The following SLIT2 variants were observed in gnomAD, a reference collection of about 807,000 sequenced individuals.
SLIT2 encodes the protein slit guidance ligand 2.
In SLIT2, 41 loss-of-function variants were observed where a neutral mutation model predicts 185.7. The observed-to-expected ratio is 0.22, with a 90% CI of 0.17 to 0.29. The LOEUF is 0.29. SLIT2 is among the 10% of genes least tolerant of loss of function. SLIT2 has a pLI of 1.00. For synonymous variants in SLIT2, 693 were observed against 680.2 expected (o/e 1.02, Z -0.29); for missense variants, 1,571 against 1,909.0 (o/e 0.82, Z 3.30).
intron 29 of SLIT2, among the ~76,000 whole-genome samples, chr4:20,580,174 C>A (rs1405993764): frequency 6.7e-6 from 1 of 150,276 alleles, no homozygotes; most frequent in Non-Finnish European, 1.5e-5. Flanking sequence ...GATTCTCTTG[C>A]CTCAGCCTCC....
intron 4 of SLIT2, among the ~76,000 whole-genome samples, chr4:20,283,339 G>C (rs1714972526): frequency 6.6e-6 from 1 of 152,176 alleles, no homozygotes; most frequent in Non-Finnish European, 1.5e-5. Context: ...ACTCTATAGA[G>C]AGGGTGTTGG....
intron 4 of SLIT2, among the ~76,000 whole-genome samples, chr4:20,340,786 A>G (rs544192556): frequency 6.6e-6 from 1 of 152,062 alleles, no homozygotes; most frequent in African/African-American, 2.4e-5. Flanking sequence ...ATTTTTTGGT[A>G]GAGATGGGGT....
At chr4:20,338,477 G>A (rs1476443774) in intron 4 of SLIT2, among the ~76,000 whole-genome samples, 1 of 152,158 alleles carries the variant, frequency 6.6e-6, no homozygotes, top group Admixed American at 6.5e-5. Context: ...CAGAAATATG[G>A]AAGGTATATG....
Position 20,601,126 on chromosome 4 carries a change from C to A in SLIT2, c.3692+2731C>A, listed in dbSNP as rs527461210. Among the ~76,000 whole-genome samples the A allele has an allele frequency of 1.3e-3, 194 of 152,194 alleles. 1 individual carries two copies. Among genetic ancestry groups the A allele is most frequent in the Non-Finnish European group, 2.0e-3 (135 of 68,008 alleles). The stretch of plus-strand genomic sequence containing the variant: ...TAGAAACAAGACTTCTGCATGAATA[C>A]CATTTTATATCCATTTGATTTTTGA... On this transcript the variant is annotated intron_variant, in intron 33 of 36. Coordinates refer to ENST00000504154, the MANE Select transcript of SLIT2 (RefSeq NM_004787.4).
chr4:20,488,679 A>G (rs1394350596), intron 7 of SLIT2, 140 bp from the exon 8 acceptor site: 3 of 541,714 alleles, frequency 5.5e-6, no homozygotes, highest in East Asian at 6.1e-5. Context: ...GTGATTGTAC[A>G]TCAGTTTAAT....
chr4:20,474,558 A>G (rs1182601702), intron 5 of SLIT2, among the ~76,000 whole-genome samples: 1 of 152,134 alleles, frequency 6.6e-6, no homozygotes, highest in Non-Finnish European at 1.5e-5. Context: ...AAAACACAAG[A>G]TAGTCTGATT....
At chr4:20,386,801 C>G (rs1174114238) in intron 4 of SLIT2, among the ~76,000 whole-genome samples, 1 of 152,172 alleles carries the variant, frequency 6.6e-6, no homozygotes, top group Non-Finnish European at 1.5e-5. Flanking sequence ...GCATGATGAC[C>G]TCTCTTGTAT....
chr4:20,378,636 T>C (rs1173057807), intron 4 of SLIT2, among the ~76,000 whole-genome samples: 2 of 152,180 alleles, frequency 1.3e-5, no homozygotes, highest in Non-Finnish European at 2.9e-5. Flanking sequence ...TTTGATCACC[T>C]GTATTTTCAG....
At chr4:20,534,453 T>TA (rs1722089288) in intron 18 of SLIT2, among the ~76,000 whole-genome samples, 1 of 152,186 alleles carries the variant, frequency 6.6e-6, no homozygotes, top group Admixed American at 6.5e-5. Context: ...CAAACATACT[T>TA]ACAACACTTT....
intron 4 of SLIT2, among the ~76,000 whole-genome samples, chr4:20,405,816 T>C (rs1163403967): frequency 1.3e-5 from 2 of 151,988 alleles, no homozygotes; most frequent in Non-Finnish European, 2.9e-5. Context: ...TAAAAATTTT[T>C]CTCAATATTA....
At chr4:20,438,576 G>C (rs1440617261) in intron 4 of SLIT2, among the ~76,000 whole-genome samples, 1 of 152,048 alleles carries the variant, frequency 6.6e-6, no homozygotes, top group Non-Finnish European at 1.5e-5. Flanking sequence ...ATTTGGGTGG[G>C]GACACAGAGC....
intron 4 of SLIT2, among the ~76,000 whole-genome samples, chr4:20,353,174 A>G (rs1232722968): frequency 6.6e-6 from 1 of 152,210 alleles, no homozygotes; most frequent in African/African-American, 2.4e-5. Context: ...GTGTGCATTC[A>G]TAGCAGATGT....
At chr4:20,616,785 C>T in intron 34 of SLIT2, 125 bp from the exon 35 acceptor site, 2 of 1,048,734 alleles carry the variant, frequency 1.9e-6, no homozygotes, top group Non-Finnish European at 2.8e-6. Context: ...CACTTCCCTA[C>T]CACCCTGCCC....
chr4:20,260,704 G>T (rs1162163598), intron 3 of SLIT2, among the ~76,000 whole-genome samples: 1 of 151,818 alleles, frequency 6.6e-6, no homozygotes, highest in South Asian at 2.1e-4. Flanking sequence ...CAGTCATGTT[G>T]TTGATTTGAA....
intron 26 of SLIT2, among the ~76,000 whole-genome samples, chr4:20,559,049 C>T (rs1410909587): frequency 1.3e-5 from 2 of 151,770 alleles, no homozygotes; most frequent in Non-Finnish European, 2.9e-5. Context: ...CATAAGTGGA[C>T]AAGCAGACAA....
intron 21 of SLIT2, among the ~76,000 whole-genome samples, chr4:20,544,573 T>C (rs1262082112): frequency 6.6e-6 from 1 of 152,040 alleles, no homozygotes; most frequent in Admixed American, 6.6e-5. Context: ...TTTTACCCCC[T>C]GGAGAGCTTA....
intron 5 of SLIT2, among the ~76,000 whole-genome samples, chr4:20,472,395 T>G (rs796501271): frequency 2.3e-4 from 9 of 38,846 alleles, no homozygotes; most frequent in Non-Finnish European, 4.0e-4. Context: ...TGTAGATATA[T>G]AGATATAGAT....
chr4:20,408,975 A>G (rs571010762), intron 4 of SLIT2, among the ~76,000 whole-genome samples: 3 of 148,870 alleles, frequency 2.0e-5, no homozygotes, highest in East Asian at 4.0e-4. Flanking sequence ...ACTTGTGCTC[A>G]TATGCATTTG....
intron 7 of SLIT2, among the ~76,000 whole-genome samples, chr4:20,486,908 C>G (rs1327828593): frequency 6.6e-6 from 1 of 151,748 alleles, no homozygotes; most frequent in East Asian, 1.9e-4. Context: ...CTCATTTGAA[C>G]TGAATTTCAG....
Sources: gnomAD v4.1 joint callset for allele counts (sites outside exome capture counted in the v4.1 genomes callset) on GRCh38, gnomAD v4.1.1 for gene constraint, MANE v1.5 for transcripts, NCBI Gene and HGNC (gene_info 2026-07-23, HGNC 2026-07-21) for gene names.